NRXN1: variants seen among roughly 807,000 people sequenced by gnomAD.
The protein encoded by NRXN1 is neurexin-1.
In NRXN1, 39 loss-of-function variants were observed where a neutral mutation model predicts 150.9. That is an observed-to-expected ratio of 0.26 (90% CI 0.20 to 0.34). The LOEUF is 0.34. Among genes scored for constraint, NRXN1 ranks in the 10% least tolerant of loss-of-function variants. The pLI, the probability that NRXN1 is intolerant of heterozygous loss-of-function variation, is 1.00. For synonymous variants in NRXN1, 924 were observed against 757.0 expected (o/e 1.22, Z -3.62); for missense variants, 1,815 against 1,949.9 (o/e 0.93, Z 1.30).
At chr2:50,076,109 T>C (rs550249985) in intron 19 of NRXN1, among the ~76,000 whole-genome samples, 1 of 152,322 alleles carries the variant, frequency 6.6e-6, no homozygotes, top group South Asian at 2.1e-4. Flanking sequence ...GTGCCACTCA[T>C]TTGAACTATG....
intron 5 of NRXN1, among the ~76,000 whole-genome samples, chr2:50,677,597 AT>A (rs541419426): frequency 1.3e-4 from 20 of 149,916 alleles, no homozygotes; most frequent in Admixed American, 4.7e-4. Context: ...GAATTAATTG[AT>A]TTTTTTTTTA....
At chr2:50,214,717 T>A (rs865840290) in intron 18 of NRXN1, among the ~76,000 whole-genome samples, 1 of 151,988 alleles carries the variant, frequency 6.6e-6, no homozygotes, top group Non-Finnish European at 1.5e-5. Context: ...TCATAACATA[T>A]CCTACATTTT....
At chr2:50,212,070 T>C (rs960494650) in intron 18 of NRXN1, among the ~76,000 whole-genome samples, 7 of 150,860 alleles carry the variant, frequency 4.6e-5, no homozygotes, top group African/African-American at 1.7e-4. Flanking sequence ...ACTATTAAAG[T>C]TTCCTGTCCT....
chr2:50,088,164 G>C (rs10490243), intron 19 of NRXN1, among the ~76,000 whole-genome samples: 1 of 151,854 alleles, frequency 6.6e-6, no homozygotes, highest in Admixed American at 6.6e-5. Context: ...CTTTGCTACT[G>C]AACTCGTATT....
At chr2:50,641,717 T>C (rs1252487670) in intron 5 of NRXN1, among the ~76,000 whole-genome samples, 1 of 152,112 alleles carries the variant, frequency 6.6e-6, no homozygotes, top group East Asian at 1.9e-4. Context: ...TTAACTTCTC[T>C]TGGAATAATA....
intron 18 of NRXN1, among the ~76,000 whole-genome samples, chr2:50,214,602 A>C (rs1162087850): frequency 1.3e-5 from 2 of 152,026 alleles, no homozygotes; most frequent in East Asian, 3.9e-4. Context: ...AGATAATTCA[A>C]ATATAGTCTG....
At chr2:50,988,211 G>A (rs990019719) in intron 2 of NRXN1, among the ~76,000 whole-genome samples, 2 of 151,884 alleles carry the variant, frequency 1.3e-5, no homozygotes, top group South Asian at 2.1e-4. Flanking sequence ...AGTTTATCCT[G>A]CCAAATCAAT....
intron 3 of NRXN1, among the ~76,000 whole-genome samples, chr2:50,924,636 T>C (rs993508010): frequency 2.0e-5 from 3 of 151,740 alleles, no homozygotes; most frequent in Admixed American, 6.6e-5. Context: ...TTATCAAGTA[T>C]ATACTCACAT....
intron 17 of NRXN1, among the ~76,000 whole-genome samples, chr2:50,297,694 T>C (rs879351567): frequency 6.6e-6 from 1 of 152,182 alleles, no homozygotes; most frequent in Non-Finnish European, 1.5e-5. Flanking sequence ...GTTCCTGGGA[T>C]AACTGTTTAT....
chr2:50,786,786 T>C (rs191467909), intron 5 of NRXN1, among the ~76,000 whole-genome samples: 8 of 152,292 alleles, frequency 5.3e-5, no homozygotes, highest in Admixed American at 2.0e-4. Context: ...TACTGATTAA[T>C]GCCCGCATAA....
intron 5 of NRXN1, among the ~76,000 whole-genome samples, chr2:50,745,305 C>CCA (rs1554039534): frequency 6.8e-6 from 1 of 146,430 alleles, no homozygotes; most frequent in Non-Finnish European, 1.5e-5. Flanking sequence ...ATCTGCCCCC[C>CCA]CCCAGGACTG....
At chr2:50,546,041 C>G (rs985261460) in intron 9 of NRXN1, among the ~76,000 whole-genome samples, 1 of 152,050 alleles carries the variant, frequency 6.6e-6, no homozygotes, top group African/African-American at 2.4e-5. Context: ...TTGATTGAAT[C>G]CACAGATGCA....
intron 21 of NRXN1, among the ~76,000 whole-genome samples, chr2:49,975,363 G>C (rs1327403122): frequency 6.6e-6 from 1 of 151,940 alleles, no homozygotes; most frequent in Non-Finnish European, 1.5e-5. Flanking sequence ...ACATCTTTTA[G>C]AGTCTGGCAA....
At chr2:50,100,944 A>C (rs1700896405) in intron 18 of NRXN1, among the ~76,000 whole-genome samples, 1 of 152,036 alleles carries the variant, frequency 6.6e-6, no homozygotes, top group African/African-American at 2.4e-5. Flanking sequence ...AATTTTTCAC[A>C]GGTAATACTT....
intron 17 of NRXN1, among the ~76,000 whole-genome samples, chr2:50,277,584 T>C (rs1290908711): frequency 1.3e-5 from 2 of 151,320 alleles, no homozygotes; most frequent in African/African-American, 2.4e-5. Flanking sequence ...GCCAGGAGAT[T>C]TTAAGGAGTC....
At chr2:50,077,473 C>T (rs1267235955) in intron 19 of NRXN1, among the ~76,000 whole-genome samples, 1 of 152,088 alleles carries the variant, frequency 6.6e-6, no homozygotes, top group Non-Finnish European at 1.5e-5. Flanking sequence ...CAAATCTTTT[C>T]ATTTAAAAAA....
At chr2:50,550,685 T>A (rs963248708) in intron 9 of NRXN1, among the ~76,000 whole-genome samples, 15 of 151,368 alleles carry the variant, frequency 9.9e-5, no homozygotes, top group Non-Finnish European at 1.6e-4. Flanking sequence ...TTTTATTTTT[T>A]ATTTTTTTTT....
intron 17 of NRXN1, among the ~76,000 whole-genome samples, chr2:50,459,944 A>C (rs578113123): frequency 6.6e-6 from 1 of 152,084 alleles, no homozygotes; most frequent in African/African-American, 2.4e-5. Context: ...GTTGCTACAG[A>C]TGGAAGTAAC....
chr2:50,859,725 C>A (rs923682622), intron 5 of NRXN1, among the ~76,000 whole-genome samples: 1 of 151,652 alleles, frequency 6.6e-6, no homozygotes, highest in Non-Finnish European at 1.5e-5. Flanking sequence ...TTCTCCATCT[C>A]AAGTAAATCA....
Sources: gnomAD v4.1 joint callset for allele counts (sites outside exome capture counted in the v4.1 genomes callset) on GRCh38, gnomAD v4.1.1 for gene constraint, MANE v1.5 for transcripts, NCBI Gene and HGNC (gene_info 2026-07-23, HGNC 2026-07-21) for gene names.